MPP1: variants seen among roughly 807,000 people sequenced by gnomAD.
The protein encoded by MPP1 is 55 kDa erythrocyte membrane protein.
Under a neutral mutation model 38.2 loss-of-function variants are expected in MPP1, and 6 were observed. The ratio of observed to expected loss-of-function variants is 0.16; its 90% CI spans 0.09 to 0.31. The LOEUF (loss-of-function observed/expected upper bound fraction) is 0.31. Ranked by LOEUF, MPP1 falls within the 10% of genes least tolerant of loss-of-function variation. MPP1 has a pLI of 1.00. For missense variants in MPP1, 293 were observed against 368.9 expected, an observed-to-expected ratio of 0.79 and a Z score of 1.69; for synonymous variants, 153 against 146.3, an observed-to-expected ratio of 1.05 and a Z score of -0.33.
intron 3 of MPP1, 57 bp downstream of exon 3, chrX:154,791,712 C>T (rs2072143611): frequency 9.6e-7 from 1 of 1,045,065 alleles, no homozygotes; most frequent in African/African-American, 1.8e-5. Flanking sequence ...CACCACTGAA[C>T]AGGGAGTAAA....
intron 1 of MPP1, chrX:154,799,753 C>T (rs868940808): frequency 1.7e-5 from 20 of 1,162,454 alleles, no homozygotes; most frequent in Non-Finnish European, 2.1e-5. Context: ...ACCCAGGACT[C>T]CATGTCTGGC....
chrX:154,795,309 T>C (rs1444275082), intron 1 of MPP1, among the ~76,000 whole-genome samples: 1 of 111,420 alleles, frequency 9.0e-6, no homozygotes, highest in African/African-American at 3.3e-5. Context: ...ATTTAAAAAA[T>C]TGACTTATGA....
In MPP1 at chrX:154,779,309, G is replaced by T. The variant is rs2071960285; in HGVS notation, c.1269C>A (p.Arg423=). 2 of 1,211,519 alleles carry T rather than the reference G, an allele frequency of 1.7e-6. No individual in the cohort carries two copies. The highest frequency in any genetic ancestry group is 3.5e-5 in the African/African-American group (2 of 57,808). Residue 423 remains arginine (R), a synonymous_variant, in exon 12 of 12, where the codon CGC becomes CGA. Transcript: ENST00000369534. ...QQLQKDSEAI[R]SQYAHYFDLS... ...GGTCAAAGTAGTGAGCGTACTGGCT[G>T]CGGATGGCCTCAGAGTCCTTCTGCA...
At chrX:154,780,359 A>G (rs2071976979) in intron 11 of MPP1, among the ~76,000 whole-genome samples, 1 of 112,805 alleles carries the variant, frequency 8.9e-6, no homozygotes, top group African/African-American at 3.2e-5. Context: ...AAAGGTCAAT[A>G]ACTCAGCAGA....
At chrX:154,804,026 A>G (rs959575980) in intron 1 of MPP1, among the ~76,000 whole-genome samples, 7 of 112,080 alleles carry the variant, frequency 6.2e-5, no homozygotes, top group African/African-American at 2.3e-4. Flanking sequence ...ATTTAAACTC[A>G]GGCTGTTGCA....
At chrX:154,798,804 G>A (rs996737437) in intron 1 of MPP1, among the ~76,000 whole-genome samples, 11 of 111,034 alleles carry the variant, frequency 9.9e-5, no homozygotes, top group Non-Finnish European at 1.7e-4. Flanking sequence ...GCACGATCTC[G>A]GCTCACCACA....
At chrX:154,795,528 G>C (rs901252541) in intron 1 of MPP1, among the ~76,000 whole-genome samples, 1 of 111,772 alleles carries the variant, frequency 8.9e-6, no homozygotes, top group Admixed American at 9.5e-5. Context: ...ACTTTGGGAG[G>C]CTGAGGTGGG....
At chrX:154,799,312 C>T (rs376971414) in intron 1 of MPP1, among the ~76,000 whole-genome samples, 59 of 111,781 alleles carry the variant, frequency 5.3e-4, no homozygotes, top group South Asian at 2.6e-3. Flanking sequence ...ACACTTGCAA[C>T]AGTAAGTTTT....
At position 154,784,034 on chromosome X, in the gene MPP1, G is replaced by A; in HGVS notation, c.859C>T (p.Leu287=). 2 of 1,208,854 alleles carry A rather than the reference G, an allele frequency of 1.7e-6. No homozygotes were observed. Among genetic ancestry groups the A allele is most frequent in the Non-Finnish European group, 2.2e-6 (2 of 893,364 alleles). ...LPAFKRKTLV[L]IGASGVGRSH... is the part of the protein sequence containing the mutation. ...TGGGGCAATGAGAAGATACCGATCA[G>A]CACCAGGGTCTTCCTCTTGAATGCA... The change falls in exon 8 of 12, where the codon CTG becomes TTG. Residue 287 remains leucine (L), a synonymous_variant. Transcript: ENST00000369534.
intron 10 of MPP1, 131 bp from the exon 11 acceptor site, chrX:154,781,444 TTTC>T: frequency 1.3e-6 from 1 of 781,583 alleles, no homozygotes; most frequent in Admixed American, 2.7e-5. Context: ...CCAATACAAC[TTTC>T]CATCATTCCC....
chrX:154,779,965 C>A (rs1030999618), intron 11 of MPP1, among the ~76,000 whole-genome samples: 1 of 112,594 alleles, frequency 8.9e-6, no homozygotes, highest in African/African-American at 3.2e-5. Flanking sequence ...GTGATCCGCC[C>A]GCCTCGGCCT....
chrX:154,804,772 C>A (rs2072301656), intron 1 of MPP1: 1 of 340,916 alleles, frequency 2.9e-6, no homozygotes, highest in South Asian at 2.6e-5. Flanking sequence ...ATTCCTTGTT[C>A]CACCCGCAAA....
chrX:154,783,228 G>A (rs1027385785), intron 9 of MPP1, 199 bp downstream of exon 9: 8 of 227,145 alleles, frequency 3.5e-5, no homozygotes, highest in African/African-American at 5.8e-5. Flanking sequence ...CAAACAGCAC[G>A]AATAACAATA....
At chrX:154,791,191 C>A in intron 3 of MPP1, 123 bp from the exon 4 acceptor site, 1 of 593,860 alleles carries the variant, frequency 1.7e-6, no homozygotes, top group Non-Finnish European at 2.7e-6. Context: ...CAGATTGTGT[C>A]AAATACTCAG....
In MPP1 at chrX:154,801,190, T is replaced by G. The variant is rs797043091; in HGVS notation, c.102+4082A>C. 1.2e-4 allele frequency among the ~76,000 whole-genome samples: 13 copies of G among 112,398 alleles called. No homozygotes were observed. In the East Asian group the frequency reaches 3.6e-3, roughly 31 times the overall value. On this transcript the variant is annotated intron_variant, in intron 1 of 11. Coordinates refer to ENST00000369534, the MANE Select transcript of MPP1 (RefSeq NM_002436.4). ...GACACTGTCTCAGGACATTATTGAT[T>G]GTCACAACTTAGCGGCGAGGTATTA...
intron 11 of MPP1, 113 bp downstream of exon 11, chrX:154,781,126 C>T (rs1162028204): frequency 1.4e-5 from 9 of 662,571 alleles, no homozygotes; most frequent in Admixed American, 3.0e-5. Flanking sequence ...AGGAAGAAGC[C>T]CAGCTGGAGC....
At chrX:154,781,033 C>T (rs994754106) in intron 11 of MPP1, among the ~76,000 whole-genome samples, 1 of 111,739 alleles carries the variant, frequency 8.9e-6, no homozygotes, top group Admixed American at 9.5e-5. Context: ...TGTTTTGTCC[C>T]TGTTAGGTAG....
chrX:154,801,792 A>AAAAAAAC (rs1730364215), intron 1 of MPP1, among the ~76,000 whole-genome samples: 1 of 99,747 alleles, frequency 1.0e-5, no homozygotes, highest in Admixed American at 1.1e-4. Flanking sequence ...AAAAACAAAA[A>AAAAAAAC]ACAGAAAAAA....
intron 5 of MPP1, among the ~76,000 whole-genome samples, chrX:154,788,552 G>C (rs146131550): frequency 0.011 from 1,178 of 112,053 alleles, 24 homozygotes; most frequent in African/African-American, 0.035. Flanking sequence ...ATACTGTGCA[G>C]TTGGGGATGT....
Sources: allele counts gnomAD v4.1 joint callset (sites outside exome capture counted in the v4.1 genomes callset), GRCh38; gene constraint gnomAD v4.1.1; transcripts MANE v1.5; gene names NCBI Gene and HGNC (gene_info 2026-07-23, HGNC 2026-07-21).